The following CATSPERB variants were observed in gnomAD, a reference collection of about 807,000 sequenced individuals.
CATSPERB encodes the protein catsper channel auxiliary subunit beta.
In CATSPERB, 93 loss-of-function variants were observed where a neutral mutation model predicts 128.3. That is an observed-to-expected ratio of 0.72 (90% confidence interval 0.61 to 0.86). The LOEUF is 0.86. Ranked by LOEUF, CATSPERB falls within the 40% of genes least tolerant of loss-of-function variation. CATSPERB has a pLI of 0.00. For missense variants in CATSPERB, 1,153 were observed against 1,329.5 expected, an observed-to-expected ratio of 0.87 and a Z score of 2.06; for synonymous variants, 381 against 448.8, an observed-to-expected ratio of 0.85 and a Z score of 1.91.
At chr14:91,611,334 G>C (rs966713808) in intron 20 of CATSPERB, among the ~76,000 whole-genome samples, 6 of 152,290 alleles carry the variant, frequency 3.9e-5, no homozygotes, top group East Asian at 3.9e-4. Flanking sequence ...GACTGGCTGG[G>C]CACGGTGGCT....
chr14:91,673,231 C>CGACCCTTGGGCAAGAAACTT (rs139599262), intron 12 of CATSPERB, among the ~76,000 whole-genome samples: 42,431 of 151,730 alleles, frequency 0.28, 6,055 homozygotes, highest in Middle Eastern at 0.34. Context: ...TTTAGGAAAT[C>CGACCCTTGGGCAAGAAACTT]GACCCTTAGG....
intron 16 of CATSPERB, among the ~76,000 whole-genome samples, chr14:91,637,800 T>C (rs1894404512): frequency 6.6e-6 from 1 of 152,012 alleles, no homozygotes; most frequent in African/African-American, 2.4e-5. Context: ...GTAGGGTTTT[T>C]TTTTCTTTTA....
chr14:91,681,537 T>C (rs556470635), intron 11 of CATSPERB, among the ~76,000 whole-genome samples: 16 of 152,334 alleles, frequency 1.1e-4, no homozygotes, highest in Non-Finnish European at 1.9e-4. Context: ...TGAGATTGTT[T>C]ATGGGAGACG....
chr14:91,589,232 C>A (rs1248179451), intron 24 of CATSPERB, among the ~76,000 whole-genome samples: 1 of 152,230 alleles, frequency 6.6e-6, no homozygotes, highest in Non-Finnish European at 1.5e-5. Flanking sequence ...AGATGCCAGA[C>A]CACCATGCAG....
intron 2 of CATSPERB, among the ~76,000 whole-genome samples, chr14:91,726,447 G>A (rs935422622): frequency 3.3e-5 from 5 of 152,162 alleles, no homozygotes; most frequent in Admixed American, 6.5e-5. Context: ...GAACTCTCCC[G>A]TTTCATTAAG....
At chr14:91,587,869 A>T in intron 25 of CATSPERB, 109 bp downstream of exon 25, 1 of 710,790 alleles carries the variant, frequency 1.4e-6, no homozygotes, top group South Asian at 1.6e-5. Flanking sequence ...TAAAGATGTT[A>T]TTCCCACCAT....
chr14:91,657,568 C>T (rs1042418816), intron 15 of CATSPERB, among the ~76,000 whole-genome samples: 1 of 152,036 alleles, frequency 6.6e-6, no homozygotes, highest in Non-Finnish European at 1.5e-5. Flanking sequence ...AAACAATTAA[C>T]AAAGTGAACA....
chr14:91,706,852 C>G (rs1895741196), intron 6 of CATSPERB, among the ~76,000 whole-genome samples: 1 of 152,016 alleles, frequency 6.6e-6, no homozygotes, highest in Non-Finnish European at 1.5e-5. Context: ...CATAGCAGCT[C>G]TACTTTCAAA....
intron 20 of CATSPERB, 151 bp downstream of exon 20, chr14:91,617,446 C>A: frequency 2.2e-6 from 1 of 458,442 alleles, no homozygotes. Context: ...ACAACACTTT[C>A]TTCAATGTAT....
intron 15 of CATSPERB, among the ~76,000 whole-genome samples, chr14:91,650,401 T>G (rs1261059728): frequency 2.0e-5 from 3 of 152,226 alleles, no homozygotes; most frequent in Non-Finnish European, 4.4e-5. Context: ...AGAAGAATTC[T>G]ATGTTTTTCT....
chr14:91,591,943 T>C lies in CATSPERB; in HGVS notation c.2769A>G (p.Thr923=), dbSNP rs761373280. Reference sequence around the variant, plus strand: ...CAGCATGTGAAAACTTCTGATCCTTTGTGCAGTTACACTCCTCCCGAGTGG... The same window carrying C: ...CAGCATGTGAAAACTTCTGATCCTTCGTGCAGTTACACTCCTCCCGAGTGG... The part of the protein sequence containing the change: ...NVSTREECNC[T]KDQKFSHAVA... Residue 923 remains threonine (T), a synonymous_variant, in exon 23 of 27, where the codon ACA becomes ACG. Coordinates refer to ENST00000256343, the MANE Select transcript of CATSPERB (RefSeq NM_024764.4). 9.9e-6 allele frequency: 16 copies of C among 1,614,054 alleles called. No homozygotes were observed. The highest frequency in any genetic ancestry group is 1.7e-5 in the Admixed American group (1 of 60,000).
At chr14:91,677,105 A>G (rs1895204181) in intron 11 of CATSPERB, among the ~76,000 whole-genome samples, 1 of 152,218 alleles carries the variant, frequency 6.6e-6, no homozygotes. Context: ...TGTAAAACCC[A>G]AAGCCATAAA....
chr14:91,658,359 A>C (rs1894820750), intron 15 of CATSPERB, among the ~76,000 whole-genome samples: 1 of 152,054 alleles, frequency 6.6e-6, no homozygotes, highest in South Asian at 2.1e-4. Flanking sequence ...AGACATAGAG[A>C]GTAGAATAAT....
chr14:91,613,448 G>GA (rs34206883), intron 20 of CATSPERB, among the ~76,000 whole-genome samples: 1 of 151,882 alleles, frequency 6.6e-6, no homozygotes, highest in African/African-American at 2.4e-5. Flanking sequence ...TAATTTCAGG[G>GA]AAAAAAAAGA....
In CATSPERB at chr14:91,610,528, A is replaced by G. The variant is rs184674044; in HGVS notation, c.2550T>C (p.Ser850=). The change falls in exon 21 of 27, where the codon AGT becomes AGC. Residue 850 remains serine (S), a synonymous_variant. Coordinates refer to ENST00000256343, the MANE Select transcript of CATSPERB (RefSeq NM_024764.4). The stretch of plus-strand genomic sequence containing the variant: ...AACCCTGACTGTCTTTATGAACTCC[A>G]CTAATCCAGTCTTCAAATGGGATAA... ...SKFIPFEDWI[S]GVHKDSQGFN... 5.6e-5 allele frequency: 91 copies of G among 1,613,972 alleles called. No homozygotes were observed. In the East Asian group the frequency reaches 2.0e-3, roughly 36 times the overall value.
chr14:91,606,845 T>C (rs1164835502), intron 22 of CATSPERB, among the ~76,000 whole-genome samples: 1 of 149,128 alleles, frequency 6.7e-6, no homozygotes, highest in African/African-American at 2.5e-5. Flanking sequence ...TAGGTGTACA[T>C]ACATTCCCTA....
intron 13 of CATSPERB, among the ~76,000 whole-genome samples, chr14:91,671,223 C>T (rs1895082365): frequency 6.6e-6 from 1 of 151,974 alleles, no homozygotes; most frequent in Non-Finnish European, 1.5e-5. Flanking sequence ...AGTTTTATAC[C>T]CCTGAAGGAG....
At chr14:91,588,371 G>T (rs1382970731) in intron 24 of CATSPERB, among the ~76,000 whole-genome samples, 1 of 152,088 alleles carries the variant, frequency 6.6e-6, no homozygotes, top group East Asian at 1.9e-4. Context: ...AGAAGTTCAA[G>T]ACTTCTGATC....
At chr14:91,653,063 G>A (rs1202957889) in intron 15 of CATSPERB, among the ~76,000 whole-genome samples, 2 of 152,136 alleles carry the variant, frequency 1.3e-5, no homozygotes, top group African/African-American at 4.8e-5. Context: ...TTTTGCTGGT[G>A]AACATCAAGG....
Sources: gnomAD v4.1 joint callset for allele counts (sites outside exome capture counted in the v4.1 genomes callset) on GRCh38, gnomAD v4.1.1 for gene constraint, MANE v1.5 for transcripts, NCBI Gene and HGNC (gene_info 2026-07-23, HGNC 2026-07-21) for gene names.